Variants in NXNL2 observed in about 807,000 individuals in gnomAD.
The protein encoded by NXNL2 is nucleoredoxin like 2, also known as nucleoredoxin-like protein 2.
NXNL2 carries 7 observed loss-of-function variants against 11.1 expected under a neutral mutation model. The ratio of observed to expected loss-of-function variants is 0.63; its 90% CI spans 0.36 to 1.18. The LOEUF (loss-of-function observed/expected upper bound fraction) is 1.18, where lower values mean the gene tolerates loss of function less well. NXNL2 is among the 50% of genes most tolerant of loss of function. NXNL2 has a pLI of 0.02. For synonymous variants in NXNL2, 109 were observed against 101.8 expected, an observed-to-expected ratio of 1.07 and a Z score of -0.42; for missense variants, 233 against 217.7, an observed-to-expected ratio of 1.07 and a Z score of -0.44.
chr9:88,580,167 T>C (rs1334369433), downstream of NXNL2, among the ~76,000 whole-genome samples: 1 of 151,416 alleles, frequency 6.6e-6, no homozygotes, highest in Non-Finnish European at 1.5e-5. Context: ...TTTTTTTTTT[T>C]TTTGAGATGG....
chr9:88,573,148 A>ATTT (rs35107510), intron 2 of NXNL2, among the ~76,000 whole-genome samples: 1 of 148,274 alleles, frequency 6.7e-6, no homozygotes. Flanking sequence ...AAAATAGTCA[A>ATTT]TTTTTTTTTT....
intron 1 of NXNL2, among the ~76,000 whole-genome samples, chr9:88,565,523 T>A (rs960972893): frequency 3.3e-5 from 5 of 152,140 alleles, no homozygotes; most frequent in Admixed American, 3.3e-4. Context: ...CTCTAACACT[T>A]GTATTTTAAT....
chr9:88,565,768 C>A (rs1830161268), intron 1 of NXNL2, among the ~76,000 whole-genome samples: 1 of 152,146 alleles, frequency 6.6e-6, no homozygotes, highest in South Asian at 2.1e-4. Flanking sequence ...AGCTTCTGAA[C>A]TCATGTGATC....
chr9:88,538,732 G>A (rs796303575), intron 1 of NXNL2, among the ~76,000 whole-genome samples: 10 of 152,352 alleles, frequency 6.6e-5, no homozygotes, highest in African/African-American at 2.4e-4. Flanking sequence ...AGTTGGCCCA[G>A]GTGGAATTGG....
intron 1 of NXNL2, among the ~76,000 whole-genome samples, chr9:88,555,678 C>T (rs1379209178): frequency 6.6e-6 from 1 of 152,188 alleles, no homozygotes; most frequent in African/African-American, 2.4e-5. Flanking sequence ...TCTTTCGGTG[C>T]CGCTTTGCCA....
At chr9:88,545,911 C>G (rs527318411), downstream of NXNL2, among the ~76,000 whole-genome samples, 2 of 152,044 alleles carry the variant, frequency 1.3e-5, no homozygotes, top group African/African-American at 4.8e-5. Context: ...GGATTACAGG[C>G]GCCCGCCACC....
At chr9:88,552,299 T>C (rs1478344010) in intron 1 of NXNL2, among the ~76,000 whole-genome samples, 2 of 152,136 alleles carry the variant, frequency 1.3e-5, no homozygotes, top group Non-Finnish European at 1.5e-5. Flanking sequence ...TTTCAATGGC[T>C]CTATTAGGGA....
At chr9:88,559,792 A>T (rs1830064195) in intron 1 of NXNL2, among the ~76,000 whole-genome samples, 1 of 152,020 alleles carries the variant, frequency 6.6e-6, no homozygotes, top group Non-Finnish European at 1.5e-5. Flanking sequence ...GTGTGTGTCC[A>T]TCTTTCAGGA....
intron 1 of NXNL2, among the ~76,000 whole-genome samples, chr9:88,570,803 C>T (rs1047342035): frequency 1.8e-4 from 27 of 152,250 alleles, no homozygotes; most frequent in Middle Eastern, 6.8e-3. Context: ...AGTGCAGTGG[C>T]GGGATCTTGG....
intron 1 of NXNL2, among the ~76,000 whole-genome samples, chr9:88,570,225 T>A (rs1466594441): frequency 6.6e-6 from 1 of 152,140 alleles, no homozygotes; most frequent in Non-Finnish European, 1.5e-5. Context: ...TTCAAGTGAT[T>A]CTCTTGCCTC....
chr9:88,547,031 C>G (rs115660069), downstream of NXNL2, among the ~76,000 whole-genome samples: 920 of 152,322 alleles, frequency 6.0e-3, 14 homozygotes, highest in African/African-American at 0.021. Flanking sequence ...CATAGACAAG[C>G]AGTGGCAGTG....
At chr9:88,537,438 C>T (rs775478461) in intron 1 of NXNL2, among the ~76,000 whole-genome samples, 5 of 152,210 alleles carry the variant, frequency 3.3e-5, no homozygotes, top group Non-Finnish European at 2.9e-5. Flanking sequence ...AGCTGCGTGA[C>T]GTGGGTCAGC....
downstream of NXNL2, among the ~76,000 whole-genome samples, chr9:88,546,414 CTTTTTTTT>C (rs956682156): frequency 9.1e-6 from 1 of 110,144 alleles, no homozygotes; most frequent in Non-Finnish European, 1.8e-5. Context: ...AAGACACATT[CTTTTTTTT>C]TTTTTTTTTT....
intron 1 of NXNL2, among the ~76,000 whole-genome samples, chr9:88,540,833 C>G (rs66800432): frequency 0.12 from 18,788 of 151,256 alleles, 2,684 homozygotes; most frequent in East Asian, 0.76. Context: ...ACAGTGTCCC[C>G]TCAAGGAGGT....
intron 1 of NXNL2, among the ~76,000 whole-genome samples, chr9:88,537,299 G>C (rs539686162): frequency 6.6e-6 from 1 of 152,168 alleles, no homozygotes; most frequent in Non-Finnish European, 1.5e-5. Context: ...TCCTCACTGA[G>C]GGGGTGGTGA....
chr9:88,576,734 T>C (rs1378086049), downstream of NXNL2, among the ~76,000 whole-genome samples: 1 of 152,142 alleles, frequency 6.6e-6, no homozygotes, highest in African/African-American at 2.4e-5. Context: ...AGAGCTTGTT[T>C]TCCTGGGACT....
At chr9:88,573,778 T>C (rs550968375) in intron 2 of NXNL2, among the ~76,000 whole-genome samples, 20 of 152,324 alleles carry the variant, frequency 1.3e-4, no homozygotes, top group Admixed American at 5.2e-4. Flanking sequence ...AGGATGGTGT[T>C]ATGTTATGAG....
rs1329387377 is a variant in NXNL2, at chr9:88,582,607, CCTTT to C, written n.552-1388_552-1385del. 2.4e-4 allele frequency among the ~76,000 whole-genome samples: 36 copies of C among 151,906 alleles called. No homozygotes were observed. In the South Asian group the frequency reaches 7.1e-3, roughly 30 times the overall value. On this transcript the variant is annotated intron_variant and non_coding_transcript_variant, in intron 1 of 1. Transcript: ENST00000478686. The stretch of plus-strand genomic sequence containing the variant: ...TAAAACAATCCTTCCTTCCTTCCTT[CCTTT>C]CTTCCTTCCTTCCTTCCTCCCTCCT...
chr9:88,546,518 C>T (rs549181074), downstream of NXNL2, among the ~76,000 whole-genome samples: 2 of 148,642 alleles, frequency 1.3e-5, no homozygotes, highest in African/African-American at 2.5e-5. Flanking sequence ...TGGGTTCAAG[C>T]GATTCTGTTG....
Sources: allele counts gnomAD v4.1 joint callset (sites outside exome capture counted in the v4.1 genomes callset), GRCh38; gene constraint gnomAD v4.1.1; transcripts MANE v1.5; gene names NCBI Gene and HGNC (gene_info 2026-07-23, HGNC 2026-07-21).